Variants in GSAP observed in about 807,000 individuals in gnomAD.
The protein encoded by GSAP is gamma-secretase activating protein, also known as gamma-secretase-activating protein.
Under a neutral mutation model 131.7 loss-of-function variants are expected in GSAP, and 118 were observed. The observed-to-expected ratio is 0.90, with a 90% CI of 0.77 to 1.04. The LOEUF (loss-of-function observed/expected upper bound fraction) is 1.04, where lower values mean the gene tolerates loss of function less well. Among genes scored for constraint, GSAP ranks in the 50% least tolerant of loss-of-function variants. The pLI is 0.00. For missense variants in GSAP, 1,019 were observed against 1,013.2 expected, an observed-to-expected ratio of 1.01 and a Z score of -0.08; for synonymous variants, 381 against 363.4, an observed-to-expected ratio of 1.05 and a Z score of -0.55.
Position 77,349,415 on chromosome 7 carries a change from G to T in GSAP, c.1492-11C>A, listed in dbSNP as rs1177647463. 1 of 1,609,774 alleles carries T rather than the reference G, an allele frequency of 6.2e-7. No homozygotes were observed. The highest frequency in any genetic ancestry group is 1.7e-5 in the Admixed American group (1 of 60,008). On this transcript the variant is annotated splice_polypyrimidine_tract_variant and intron_variant, in intron 18 of 30. Coordinates refer to ENST00000257626, the MANE Select transcript of GSAP (RefSeq NM_017439.4). Reference sequence around the variant, plus strand: ...TATTCCAGGAATTTCCTATAGTGGGGAAAAACACACACACACAGCTGCTCA... The same window carrying T: ...TATTCCAGGAATTTCCTATAGTGGGTAAAAACACACACACACAGCTGCTCA...
intron 5 of GSAP, among the ~76,000 whole-genome samples, chr7:77,394,269 A>C (rs1800022596): frequency 6.6e-6 from 1 of 152,066 alleles, no homozygotes; most frequent in African/African-American, 2.4e-5. Flanking sequence ...CTTTGCCCTC[A>C]GTTCCTACCA....
At chr7:77,396,531 C>G (rs1452430405) in intron 5 of GSAP, among the ~76,000 whole-genome samples, 1 of 152,032 alleles carries the variant, frequency 6.6e-6, no homozygotes, top group Admixed American at 6.6e-5. Context: ...TGGGGAGGGG[C>G]CAGGGAGCAT....
chr7:77,357,233 T>C (rs967647481), intron 14 of GSAP, among the ~76,000 whole-genome samples: 3 of 152,152 alleles, frequency 2.0e-5, no homozygotes, highest in Non-Finnish European at 4.4e-5. Flanking sequence ...AGTCCCTCAA[T>C]GAACAGGGAA....
rs143099824 is a variant in GSAP, at chr7:77,392,063, A to G, written c.368-4615T>C. Among the ~76,000 whole-genome samples, 72 of 152,036 alleles carry G rather than the reference A, an allele frequency of 4.7e-4. 1 individual carries two copies. In the East Asian group the frequency reaches 0.013, roughly 27 times the overall value. ...AACACGGGGAAACCCCGTCTCTACT[A>G]AAAATACAAAAATTAGCCGGAAGTG... On this transcript the variant is annotated intron_variant, in intron 5 of 30. Coordinates refer to ENST00000257626, the MANE Select transcript of GSAP (RefSeq NM_017439.4).
chr7:77,391,543 T>C (rs989331325), intron 5 of GSAP, among the ~76,000 whole-genome samples: 27 of 152,090 alleles, frequency 1.8e-4, no homozygotes, highest in African/African-American at 6.5e-4. Flanking sequence ...TAATAAAACA[T>C]GCAGGGCAAG....
At chr7:77,392,906 A>G (rs1467081362) in intron 5 of GSAP, among the ~76,000 whole-genome samples, 1 of 152,152 alleles carries the variant, frequency 6.6e-6, no homozygotes, top group Non-Finnish European at 1.5e-5. Context: ...GGTCACCCCA[A>G]TTGCTGCCCA....
chr7:77,413,461 A>G (rs533291948), intron 1 of GSAP, among the ~76,000 whole-genome samples: 1 of 152,232 alleles, frequency 6.6e-6, no homozygotes, highest in African/African-American at 2.4e-5. Context: ...CTTTGAAAGG[A>G]AAATCTAAGG....
At chr7:77,415,029 T>C (rs1804096430) in intron 1 of GSAP, among the ~76,000 whole-genome samples, 1 of 151,984 alleles carries the variant, frequency 6.6e-6, no homozygotes, top group Non-Finnish European at 1.5e-5. Flanking sequence ...AGCTAATTTT[T>C]GTATAAAATT....
intron 9 of GSAP, 48 bp downstream of exon 9, chr7:77,377,238 A>AG: frequency 2.9e-5 from 9 of 315,428 alleles, no homozygotes; most frequent in Middle Eastern, 2.1e-3. Context: ...ATATTTTTGT[A>AG]AAAAAAAAAA....
intron 19 of GSAP, among the ~76,000 whole-genome samples, chr7:77,341,867 TGA>T (rs1305358023): frequency 1.3e-5 from 2 of 152,192 alleles, no homozygotes; most frequent in Non-Finnish European, 2.9e-5. Context: ...GCCTCCACCG[TGA>T]GAGAAACCCC....
rs1410952236 is a variant in GSAP at position 77,416,317 on chromosome 7, G to A, written c.5C>T (p.Ala2Val). M[A>V]LRLVADFDLG... Reference sequence around the variant, plus strand: ...GTCGAAGTCGGCGACCAGGCGAAGAGCCATCGCCCGGACACGACCACCGGG... The same window carrying A: ...GTCGAAGTCGGCGACCAGGCGAAGAACCATCGCCCGGACACGACCACCGGG... Residue 2 changes from alanine (A) to valine (V), a missense_variant, in exon 1 of 31, where the codon GCT becomes GTT. Ala to Val is a moderately conservative substitution (Grantham distance 64). Transcript: ENST00000257626. 2.7e-6 allele frequency: 4 copies of A among 1,489,300 alleles called. No homozygotes were observed. The highest frequency in any genetic ancestry group is 3.6e-6 in the Non-Finnish European group (4 of 1,120,342). The allele number at this position is 1,489,300 out of a possible 1,614,324, so 92.3% of individuals were successfully genotyped here.
chr7:77,355,261 C>T lies in GSAP; in HGVS notation c.1290G>A (p.Leu430=). The change falls in exon 16 of 31, where the codon TTG becomes TTA. Residue 430 remains leucine (L), a synonymous_variant. Transcript: ENST00000257626. ...TCLDCEKMAA[L]HCALYCGQGA... ...CTTGACCGCAGTAGAGCGCGCAGTG[C>T]AACGCAGCCATCTTCTCACAGTCTA... 6.2e-7 allele frequency: 1 copy of T among 1,614,012 alleles called. No homozygotes were observed. The highest frequency in any genetic ancestry group is 8.5e-7 in the Non-Finnish European group (1 of 1,179,920).
At chr7:77,315,299 C>A (rs535338829) in intron 26 of GSAP, 1 of 152,390 alleles carries the variant, frequency 6.6e-6, no homozygotes, top group Non-Finnish European at 1.5e-5. Flanking sequence ...AGCTGTATTA[C>A]TCACCAGCTG....
intron 19 of GSAP, among the ~76,000 whole-genome samples, chr7:77,340,748 C>T (rs543217921): frequency 3.3e-5 from 5 of 152,288 alleles, no homozygotes; most frequent in African/African-American, 7.2e-5. Flanking sequence ...GTCTGATCAC[C>T]GTGGGGATGC....
At chr7:77,356,854 C>T (rs1253137600) in intron 14 of GSAP, among the ~76,000 whole-genome samples, 1 of 152,146 alleles carries the variant, frequency 6.6e-6, no homozygotes, top group African/African-American at 2.4e-5. Flanking sequence ...GCATAGAAGG[C>T]GTTCTGTGGA....
intron 26 of GSAP, among the ~76,000 whole-genome samples, chr7:77,320,213 A>G (rs977199756): frequency 6.6e-6 from 1 of 152,166 alleles, no homozygotes; most frequent in Non-Finnish European, 1.5e-5. Flanking sequence ...TTGCTCAACA[A>G]ATATTTGTTG....
chr7:77,397,259 A>G, intron 4 of GSAP, 87 bp downstream of exon 4: 1 of 865,240 alleles, frequency 1.2e-6, no homozygotes, highest in Non-Finnish European at 1.9e-6. Flanking sequence ...GTTATAGAAT[A>G]ATTTAATACT....
At chr7:77,395,919 G>A (rs967458349) in intron 5 of GSAP, among the ~76,000 whole-genome samples, 1 of 152,214 alleles carries the variant, frequency 6.6e-6, no homozygotes, top group African/African-American at 2.4e-5. Flanking sequence ...GAGATTGATA[G>A]GAGACCCACT....
intron 18 of GSAP, 113 bp from the exon 19 acceptor site, chr7:77,349,517 T>C: frequency 1.3e-6 from 1 of 786,420 alleles, no homozygotes. Context: ...GCTTCCAGCT[T>C]CTAACCTCTA....
Sources: gnomAD v4.1 joint callset for allele counts (sites outside exome capture counted in the v4.1 genomes callset) on GRCh38, gnomAD v4.1.1 for gene constraint, MANE v1.5 for transcripts, NCBI Gene and HGNC (gene_info 2026-07-23, HGNC 2026-07-21) for gene names.